The following NXPH1 variants were observed in gnomAD, a reference collection of about 807,000 sequenced individuals.
The protein encoded by NXPH1 is neurexophilin-1.
A neutral mutation model predicts 23.7 loss-of-function variants in NXPH1; 5 were observed. The observed-to-expected ratio is 0.21, with a 90% CI of 0.11 to 0.44. The LOEUF (loss-of-function observed/expected upper bound fraction) is 0.44. Among genes scored for constraint, NXPH1 ranks in the 20% least tolerant of loss-of-function variants. The pLI is 0.99. For missense variants in NXPH1, 324 were observed against 321.6 expected (o/e 1.01, Z -0.06); for synonymous variants, 144 against 122.2 (o/e 1.18, Z -1.18).
At chr7:8,565,320 T>C (rs895894505) in intron 2 of NXPH1, among the ~76,000 whole-genome samples, 1 of 151,822 alleles carries the variant, frequency 6.6e-6, no homozygotes, top group African/African-American at 2.4e-5. Context: ...GAGTTTGTCT[T>C]ATACCCATAT....
chr7:8,447,002 A>G (rs1816417879), intron 2 of NXPH1, among the ~76,000 whole-genome samples: 1 of 152,094 alleles, frequency 6.6e-6, no homozygotes, highest in East Asian at 1.9e-4. Context: ...AACTGGCTAG[A>G]TGCACTGCTG....
intron 2 of NXPH1, 38 bp from the exon 3 acceptor site, chr7:8,750,970 G>T: frequency 6.3e-7 from 1 of 1,596,400 alleles, no homozygotes; most frequent in Non-Finnish European, 8.6e-7. Context: ...ATTCTCAGAT[G>T]CAGAGATGTA....
At chr7:8,692,698 G>A (rs1381619486) in intron 2 of NXPH1, among the ~76,000 whole-genome samples, 1 of 152,148 alleles carries the variant, frequency 6.6e-6, no homozygotes, top group Non-Finnish European at 1.5e-5. Context: ...GGTGCTTTGT[G>A]TTAGTCTAAC....
At chr7:8,742,314 G>A (rs1780380955) in intron 2 of NXPH1, among the ~76,000 whole-genome samples, 1 of 152,042 alleles carries the variant, frequency 6.6e-6, no homozygotes, top group South Asian at 2.1e-4. Flanking sequence ...ATCTGAAAAA[G>A]CAATGAGCAA....
chr7:8,750,068 C>T (rs1327804447), intron 2 of NXPH1, among the ~76,000 whole-genome samples: 2 of 152,200 alleles, frequency 1.3e-5, no homozygotes, highest in Non-Finnish European at 2.9e-5. Context: ...TTGTTGGTTT[C>T]TCTAGAACTG....
At chr7:8,687,586 A>T (rs569629575) in intron 2 of NXPH1, among the ~76,000 whole-genome samples, 1 of 152,308 alleles carries the variant, frequency 6.6e-6, no homozygotes, top group Non-Finnish European at 1.5e-5. Context: ...ACAAAATCAG[A>T]AAGAAATGAG....
chr7:8,514,796 C>A (rs1817663227), intron 2 of NXPH1, among the ~76,000 whole-genome samples: 1 of 152,168 alleles, frequency 6.6e-6, no homozygotes, highest in Admixed American at 6.6e-5. Context: ...CTCCACTCCA[C>A]TTCCTGCCCC....
chr7:8,590,914 A>G (rs1819079909), intron 2 of NXPH1, among the ~76,000 whole-genome samples: 1 of 152,160 alleles, frequency 6.6e-6, no homozygotes, highest in South Asian at 2.1e-4. Context: ...ATGGCTTTTT[A>G]AAAAAATTAC....
intron 2 of NXPH1, among the ~76,000 whole-genome samples, chr7:8,615,501 A>G (rs1443637291): frequency 6.6e-6 from 1 of 152,058 alleles, no homozygotes; most frequent in East Asian, 1.9e-4. Context: ...CTTCCCTCAG[A>G]TGGGAGGGCA....
intron 2 of NXPH1, among the ~76,000 whole-genome samples, chr7:8,501,144 G>A (rs572671528): frequency 1.3e-4 from 20 of 152,112 alleles, no homozygotes; most frequent in Non-Finnish European, 2.6e-4. Context: ...TCACAGATAC[G>A]ATTTTTGTCA....
intron 2 of NXPH1, among the ~76,000 whole-genome samples, chr7:8,687,177 A>G (rs905068009): frequency 1.3e-5 from 2 of 152,126 alleles, no homozygotes; most frequent in South Asian, 2.1e-4. Flanking sequence ...AGAGGCTCTC[A>G]GGATACCATG....
intron 2 of NXPH1, among the ~76,000 whole-genome samples, chr7:8,495,269 T>G (rs1409176701): frequency 6.9e-6 from 1 of 144,950 alleles, no homozygotes; most frequent in Non-Finnish European, 1.5e-5. Context: ...GAAAACCTCA[T>G]ACTTTGCTCT....
intron 2 of NXPH1, among the ~76,000 whole-genome samples, chr7:8,647,055 G>T (rs1409257559): frequency 6.6e-6 from 1 of 152,092 alleles, no homozygotes; most frequent in African/African-American, 2.4e-5. Flanking sequence ...CCACCCCTGG[G>T]ACAGGCAGAC....
At chr7:8,476,124 C>T (rs1816966694) in intron 2 of NXPH1, among the ~76,000 whole-genome samples, 1 of 152,078 alleles carries the variant, frequency 6.6e-6, no homozygotes, top group Admixed American at 6.6e-5. Context: ...GGACCATAGG[C>T]CCTTTTCTAA....
intron 2 of NXPH1, among the ~76,000 whole-genome samples, chr7:8,567,259 A>G (rs557180661): frequency 6.6e-6 from 1 of 152,058 alleles, no homozygotes; most frequent in Non-Finnish European, 1.5e-5. Flanking sequence ...ATTTTATTTT[A>G]AATAACAGGT....
At chr7:8,617,715 A>G (rs1394607856) in intron 2 of NXPH1, among the ~76,000 whole-genome samples, 1 of 152,128 alleles carries the variant, frequency 6.6e-6, no homozygotes, top group Non-Finnish European at 1.5e-5. Context: ...AGAACAAATA[A>G]AACCTACTAT....
intron 2 of NXPH1, among the ~76,000 whole-genome samples, chr7:8,617,215 T>C (rs6967686): frequency 0.36 from 55,327 of 151,832 alleles, 11,246 homozygotes; most frequent in African/African-American, 0.56. Flanking sequence ...TTGAGAAACT[T>C]TGTTTTAGAG....
chr7:8,455,320 A>G (rs570079120), intron 2 of NXPH1, among the ~76,000 whole-genome samples: 1 of 152,250 alleles, frequency 6.6e-6, no homozygotes, highest in East Asian at 1.9e-4. Flanking sequence ...TAATCCTGAG[A>G]CTTTAATCAG....
intron 2 of NXPH1, among the ~76,000 whole-genome samples, chr7:8,466,681 A>C (rs898770056): frequency 1.3e-5 from 2 of 152,190 alleles, no homozygotes; most frequent in African/African-American, 4.8e-5. Context: ...GATATTACTC[A>C]TATTACCTAT....
Sources: gnomAD v4.1 joint callset for allele counts (sites outside exome capture counted in the v4.1 genomes callset) on GRCh38, gnomAD v4.1.1 for gene constraint, MANE v1.5 for transcripts, NCBI Gene and HGNC (gene_info 2026-07-23, HGNC 2026-07-21) for gene names.